The following HTT variants were observed in gnomAD, a reference collection of about 807,000 sequenced individuals.
HTT encodes the protein huntington disease protein.
In HTT, 104 loss-of-function variants were observed where a neutral mutation model predicts 362.3. The ratio of observed to expected loss-of-function variants is 0.29; its 90% CI spans 0.24 to 0.34. HTT has a LOEUF of 0.34. Among genes scored for constraint, HTT ranks in the 10% least tolerant of loss-of-function variants. HTT has a pLI of 1.00. For synonymous variants in HTT, 1,577 were observed against 1,548.7 expected, an observed-to-expected ratio of 1.02 and a Z score of -0.43; for missense variants, 3,301 against 3,928.6, an observed-to-expected ratio of 0.84 and a Z score of 4.27.
chr4:3,150,632 T>C (rs1451187598), intron 26 of HTT, among the ~76,000 whole-genome samples: 2 of 152,218 alleles, frequency 1.3e-5, no homozygotes, highest in Non-Finnish European at 2.9e-5. Context: ...ACCAAGTCTT[T>C]TGTTTCCCCT....
chr4:3,131,050 GCTGCATTTATCCC>G (rs1029681880), intron 14 of HTT, among the ~76,000 whole-genome samples: 3 of 151,888 alleles, frequency 2.0e-5, no homozygotes, highest in Non-Finnish European at 4.4e-5. Context: ...CTCCCTGCAT[GCTGCATTTATCCC>G]CTGCCACAGC....
In HTT at chr4:3,106,446, A is replaced by G. The variant is rs138366232; in HGVS notation, c.609-839A>G. The stretch of plus-strand genomic sequence containing the variant: ...TTTGTATAATCTTTTTTCTTTTACT[A>G]TCATTTAAAAAAATGTGTTATATTT... On this transcript the variant is annotated intron_variant, in intron 5 of 66. Transcript: ENST00000355072. Among the ~76,000 whole-genome samples the G allele has an allele frequency of 6.3e-3, 958 of 152,328 alleles. 9 individuals carry two copies. Among genetic ancestry groups the G allele is most frequent in the African/African-American group, 0.022 (899 of 41,574 alleles).
intron 59 of HTT, among the ~76,000 whole-genome samples, 185 bp from the exon 60 acceptor site, chr4:3,229,702 G>A (rs1246577753): frequency 4.0e-5 from 6 of 151,778 alleles, no homozygotes; most frequent in African/African-American, 9.7e-5. Context: ...CATGCACCAC[G>A]TGTACCACGC....
intron 25 of HTT, 30 bp from the exon 26 acceptor site, chr4:3,147,975 G>A: frequency 6.4e-7 from 1 of 1,555,996 alleles, no homozygotes; most frequent in Non-Finnish European, 8.8e-7. Flanking sequence ...CTATTGGGGT[G>A]GAGAGGTAAT....
At chr4:3,238,350 C>A in intron 64 of HTT, 97 bp from the exon 65 acceptor site, 2 of 863,522 alleles carry the variant, frequency 2.3e-6, no homozygotes, top group South Asian at 2.1e-5. Flanking sequence ...GATTTCACAT[C>A]GGCATTTTCC....
At chr4:3,134,624 C>T (rs1335367761) in intron 19 of HTT, 84 bp downstream of exon 19, 2 of 1,214,894 alleles carry the variant, frequency 1.6e-6, no homozygotes, top group African/African-American at 3.0e-5. Context: ...ATGATGTTAT[C>T]AAGTACCCTG....
chr4:3,144,537 C>T (rs1328867989), intron 23 of HTT, among the ~76,000 whole-genome samples: 3 of 152,096 alleles, frequency 2.0e-5, no homozygotes, highest in Admixed American at 6.6e-5. Flanking sequence ...AGGCTGGTCT[C>T]GAACTCCTGA....
intron 26 of HTT, among the ~76,000 whole-genome samples, chr4:3,154,030 G>T (rs1267621923): frequency 2.0e-5 from 3 of 152,152 alleles, no homozygotes; most frequent in Non-Finnish European, 2.9e-5. Flanking sequence ...CTCCCTGAGG[G>T]CTCCTTCCAT....
At chr4:3,183,837 T>G (rs185979877) in intron 37 of HTT, among the ~76,000 whole-genome samples, 10 of 152,342 alleles carry the variant, frequency 6.6e-5, no homozygotes, top group Admixed American at 5.2e-4. Context: ...ACAACATTTA[T>G]GAAACGCTTA....
chr4:3,190,858 A>G (rs1378032559), intron 40 of HTT, among the ~76,000 whole-genome samples: 3 of 152,250 alleles, frequency 2.0e-5, no homozygotes, highest in African/African-American at 7.2e-5. Flanking sequence ...CTAAATAGCT[A>G]GAAGCCTAGT....
chr4:3,174,659 T>C (rs1718149162), intron 31 of HTT, 62 bp from the exon 32 acceptor site: 1 of 1,296,614 alleles, frequency 7.7e-7, no homozygotes, highest in Non-Finnish European at 1.1e-6. Context: ...TATATCTGAG[T>C]GCAGAGGAGA....
rs1170732959 is a variant in HTT, at chr4:3,172,347, A to G, written c.3892A>G (p.Lys1298Glu). The G allele has an allele frequency of 6.2e-7, 1 of 1,610,384 alleles. No homozygotes were observed. The highest frequency in any genetic ancestry group is 8.5e-7 in the Non-Finnish European group (1 of 1,176,690). The change falls in exon 30 of 67, where the codon AAA (lysine) becomes GAA (glutamate). Residue 1298 changes from lysine to glutamate, a missense_variant. Lys to Glu is a moderately conservative substitution (Grantham distance 56, BLOSUM62 1). Coordinates refer to ENST00000355072, the MANE Select transcript of HTT (RefSeq NM_001388492.1). The stretch of plus-strand genomic sequence containing the variant: ...TGTTGAAGAGATCCTAGGATACCTG[A>G]AATCCTGCTTTAGTCGAGAACCAAT... ...KCVEEILGYL[K>E]SCFSREPMMA...
chr4:3,082,800 T>C (rs1712985621), intron 1 of HTT, among the ~76,000 whole-genome samples: 1 of 152,184 alleles, frequency 6.6e-6, no homozygotes, highest in Admixed American at 6.5e-5. Context: ...TGAGCATTTC[T>C]GTAGCTGTGA....
At chr4:3,199,425 A>T (rs753442252) in intron 40 of HTT, among the ~76,000 whole-genome samples, 12 of 152,018 alleles carry the variant, frequency 7.9e-5, no homozygotes, top group Non-Finnish European at 1.6e-4. Context: ...CTGTAATCCT[A>T]GCTACTTGGG....
Position 3,132,700 on chromosome 4 carries a change from G to T in HTT, c.2375G>T (p.Gly792Val). ...RSRFHVGDWMGTIRTLTGNTF... is the reference protein window; with the variant it reads ...RSRFHVGDWMVTIRTLTGNTF... ...CGCTTCCACGTGGGAGATTGGATGGGCACCATTAGAACCCTCACAGGTAAC... is the reference window on the plus strand; with the variant it reads ...CGCTTCCACGTGGGAGATTGGATGGTCACCATTAGAACCCTCACAGGTAAC... The change falls in exon 17 of 67, where the codon GGC becomes GTC. Residue 792 changes from glycine (G) to valine (V), a missense_variant. By Grantham distance (109) the Gly-to-Val change is moderately radical. Coordinates refer to ENST00000355072, the MANE Select transcript of HTT (RefSeq NM_001388492.1). 1 of 1,614,198 alleles carries T rather than the reference G, an allele frequency of 6.2e-7. No homozygotes were observed. Among genetic ancestry groups the T allele is most frequent in the East Asian group, 2.2e-5 (1 of 44,886 alleles).
chr4:3,114,167 C>G (rs530134976), intron 6 of HTT, among the ~76,000 whole-genome samples: 1 of 152,232 alleles, frequency 6.6e-6, no homozygotes, highest in Non-Finnish European at 1.5e-5. Flanking sequence ...TTAACCGCAG[C>G]AGGAGCATGT....
At chr4:3,169,025 T>TCTTTCTTTCTTTC (rs74754368) in intron 29 of HTT, among the ~76,000 whole-genome samples, 27 of 149,074 alleles carry the variant, frequency 1.8e-4, no homozygotes, top group African/African-American at 6.0e-4. Flanking sequence ...TTTCTTTCTT[T>TCTTTCTTTCTTTC]TTTTTTTTTT....
Position 3,115,426 on chromosome 4 carries a change from G to T in HTT, c.870G>T (p.Trp290Cys). The change falls in exon 7 of 67, where the codon TGG becomes TGT. Residue 290 changes from tryptophan (W) to cysteine (C), a missense_variant. Transcript: ENST00000355072. ...GAAGGACACAATATTTCTATAGTTG[G>T]CTACTAAATGTGCTCTTAGGTAAGG... The part of the protein sequence containing the change: ...HSRRTQYFYS[W>C]LLNVLLGLLV... 6.2e-7 allele frequency: 1 copy of T among 1,613,674 alleles called. No individual in the cohort carries two copies. Among genetic ancestry groups the T allele is most frequent in the Non-Finnish European group, 8.5e-7 (1 of 1,179,570 alleles).
At chr4:3,117,758 G>C (rs79917137) in intron 8 of HTT, among the ~76,000 whole-genome samples, 1,574 of 152,210 alleles carry the variant, frequency 0.01, 44 homozygotes, top group Admixed American at 0.052. Flanking sequence ...ACATGAGCCT[G>C]GAAGATCAAG....
Sources: allele counts gnomAD v4.1 joint callset (sites outside exome capture counted in the v4.1 genomes callset), GRCh38; gene constraint gnomAD v4.1.1; transcripts MANE v1.5; gene names NCBI Gene and HGNC (gene_info 2026-07-23, HGNC 2026-07-21).